The following FMN1 variants were observed in gnomAD, a reference collection of about 807,000 sequenced individuals.
FMN1 encodes formin 1.
In FMN1, 110 loss-of-function variants were observed where a neutral mutation model predicts 132.4. The observed-to-expected ratio is 0.83, with a 90% CI of 0.71 to 0.97. The LOEUF is 0.97. Among genes scored for constraint, FMN1 ranks in the 50% least tolerant of loss-of-function variants. The pLI, the probability that FMN1 is intolerant of heterozygous loss-of-function variation, is 0.00. For synonymous variants in FMN1, 722 were observed against 651.7 expected (o/e 1.11, Z -1.64); for missense variants, 1,792 against 1,705.3 (o/e 1.05, Z -0.90).
chr15:33,104,228 T>C (rs1217409896), intron 4 of FMN1, among the ~76,000 whole-genome samples: 3 of 152,140 alleles, frequency 2.0e-5, no homozygotes, highest in Non-Finnish European at 4.4e-5. Flanking sequence ...TTGTCAATAA[T>C]GGCTTCAAAA....
At chr15:33,087,899 G>A (rs750888512) in intron 5 of FMN1, among the ~76,000 whole-genome samples, 1 of 151,930 alleles carries the variant, frequency 6.6e-6, no homozygotes, top group Non-Finnish European at 1.5e-5. Flanking sequence ...ATGAAATAAC[G>A]CCATTTGCAG....
At chr15:33,007,711 C>T (rs183099808) in intron 7 of FMN1, among the ~76,000 whole-genome samples, 8 of 152,262 alleles carry the variant, frequency 5.3e-5, no homozygotes, top group Non-Finnish European at 1.2e-4. Flanking sequence ...AAAAAAACTT[C>T]TACTATATTT....
At chr15:32,993,196 A>T (rs920860069) in intron 7 of FMN1, among the ~76,000 whole-genome samples, 18 of 152,320 alleles carry the variant, frequency 1.2e-4, no homozygotes, top group African/African-American at 4.3e-4. Context: ...CTTCCTTGCC[A>T]TTTGGTATGA....
chr15:33,136,149 A>T (rs1442045378), intron 4 of FMN1, among the ~76,000 whole-genome samples: 2 of 152,362 alleles, frequency 1.3e-5, no homozygotes, highest in East Asian at 3.9e-4. Context: ...TCCCCATGAC[A>T]TCACAATGTG....
chr15:33,183,243 A>G (rs918322920), intron 2 of FMN1, among the ~76,000 whole-genome samples: 2 of 152,228 alleles, frequency 1.3e-5, no homozygotes, highest in Non-Finnish European at 2.9e-5. Context: ...AAATGGAGAA[A>G]ACAAATGCCT....
chr15:33,125,913 A>C (rs1348664172), intron 4 of FMN1, among the ~76,000 whole-genome samples: 1 of 152,158 alleles, frequency 6.6e-6, no homozygotes, highest in Non-Finnish European at 1.5e-5. Context: ...AAAGTGCCAA[A>C]TTTCTTTCTA....
At chr15:33,050,127 A>AAGGT (rs2036899678) in intron 6 of FMN1, among the ~76,000 whole-genome samples, 1 of 152,194 alleles carries the variant, frequency 6.6e-6, no homozygotes, top group Admixed American at 6.6e-5. Flanking sequence ...GAGCATATTT[A>AAGGT]AGGTAGGCTT....
intron 7 of FMN1, among the ~76,000 whole-genome samples, chr15:33,002,018 T>C (rs573523685): frequency 2.2e-4 from 33 of 152,282 alleles, no homozygotes; most frequent in African/African-American, 7.9e-4. Flanking sequence ...AATTAAGTGA[T>C]TTCCCTTCAA....
chr15:32,896,886 T>A (rs553855790), intron 15 of FMN1, among the ~76,000 whole-genome samples: 1 of 152,252 alleles, frequency 6.6e-6, no homozygotes, highest in South Asian at 2.1e-4. Context: ...AGGGAAAATG[T>A]CTCTTTGAGA....
chr15:33,062,334 A>G lies in FMN1; in HGVS notation c.2161+2623T>C, dbSNP rs560910320. On this transcript the variant is annotated intron_variant, in intron 6 of 20. Transcript: ENST00000616417. Reference sequence around the variant, plus strand: ...AAAACTCATTTAAAGAGTTTAAATAACAGTAGGCCAGGCACGGTGGCTCAC... The same window carrying G: ...AAAACTCATTTAAAGAGTTTAAATAGCAGTAGGCCAGGCACGGTGGCTCAC... 1.9e-3 allele frequency among the ~76,000 whole-genome samples: 285 copies of G among 152,304 alleles called. 3 individuals are homozygous for G. Among genetic ancestry groups the G allele is most frequent in the African/African-American group, 6.6e-3 (275 of 41,568 alleles).
chr15:32,847,925 C>T (rs976220974), intron 17 of FMN1, among the ~76,000 whole-genome samples: 1 of 152,100 alleles, frequency 6.6e-6, no homozygotes, highest in Non-Finnish European at 1.5e-5. Flanking sequence ...AGGTCAGATC[C>T]TGACAATGAT....
Position 33,151,520 on chromosome 15 carries a change from T to C in FMN1, c.1867+1528A>G. 3.9e-6 allele frequency: 3 copies of C among 768,324 alleles called. No individual in the cohort carries two copies. The South Asian group carries it at 6.3e-5, about 16-fold the overall frequency. The allele number at this position is 768,324 out of a possible 1,614,324, so 47.6% of individuals were successfully genotyped here. On this transcript the variant is annotated intron_variant, in intron 4 of 20. Coordinates refer to ENST00000616417, the MANE Select transcript of FMN1 (RefSeq NM_001277313.2). ...AATGTGCTCTGTGTGCCTGCCTTGA[T>C]CCAGATACACTGGAGCTTTTATGAT...
chr15:33,013,876 T>C (rs1226431810), intron 6 of FMN1, among the ~76,000 whole-genome samples: 2 of 152,218 alleles, frequency 1.3e-5, no homozygotes, highest in Non-Finnish European at 2.9e-5. Context: ...TAAATAGAAA[T>C]TATACAGACT....
At chr15:32,846,354 G>C (rs1375458171) in intron 17 of FMN1, among the ~76,000 whole-genome samples, 1 of 152,078 alleles carries the variant, frequency 6.6e-6, no homozygotes, top group East Asian at 1.9e-4. Flanking sequence ...CTAGTATCCA[G>C]AATCTATAAG....
chr15:32,954,805 A>G (rs1290813887), intron 9 of FMN1, among the ~76,000 whole-genome samples: 4 of 152,214 alleles, frequency 2.6e-5, no homozygotes, highest in Admixed American at 1.3e-4. Context: ...CAGTAGTTGG[A>G]GACTAGCCTG....
chr15:33,126,839 G>C (rs1302231006), intron 4 of FMN1, among the ~76,000 whole-genome samples: 1 of 152,154 alleles, frequency 6.6e-6, no homozygotes, highest in Non-Finnish European at 1.5e-5. Context: ...GAGTCTTCTG[G>C]CTCTGAAACT....
chr15:32,896,590 C>T (rs1443119755), intron 15 of FMN1, among the ~76,000 whole-genome samples: 7 of 152,126 alleles, frequency 4.6e-5, no homozygotes, highest in African/African-American at 1.7e-4. Context: ...CCCATTCCCG[C>T]ATCATTCATT....
chr15:33,161,931 GA>G (rs76817753), intron 3 of FMN1, among the ~76,000 whole-genome samples: 118,636 of 146,304 alleles, frequency 0.81, 48,352 homozygotes, highest in Middle Eastern at 0.88. Flanking sequence ...AAACAAAAAA[GA>G]AAAAAAAAAA....
rs72095404 is a variant in FMN1, at chr15:32,900,807, AT to A, written c.3508-683del. The stretch of plus-strand genomic sequence containing the variant: ...CTTCAAGTACAATTTTCCAATTGAA[AT>A]TTTTTTTCTTTATGGTCTTAATTCA... On this transcript the variant is annotated intron_variant, in intron 13 of 20. Coordinates refer to ENST00000616417, the MANE Select transcript of FMN1 (RefSeq NM_001277313.2). Among the ~76,000 whole-genome samples the A allele has an allele frequency of 3.0e-3, 458 of 152,030 alleles. 4 individuals are homozygous for A. The highest frequency in any genetic ancestry group is 6.8e-3 in the Middle Eastern group (2 of 294).
Sources: allele counts gnomAD v4.1 joint callset (sites outside exome capture counted in the v4.1 genomes callset), GRCh38; gene constraint gnomAD v4.1.1; transcripts MANE v1.5; gene names NCBI Gene and HGNC (gene_info 2026-07-23, HGNC 2026-07-21).